The following GRM7 variants were observed in gnomAD, a reference collection of about 807,000 sequenced individuals.
GRM7 encodes metabotropic glutamate receptor 7.
Under a neutral mutation model 84.5 loss-of-function variants are expected in GRM7, and 35 were observed. The observed-to-expected ratio is 0.41, with a 90% CI of 0.32 to 0.55. GRM7 has a LOEUF of 0.55. GRM7 is among the 20% of genes least tolerant of loss of function. The pLI is 0.19. For synonymous variants in GRM7, 487 were observed against 455.1 expected (o/e 1.07, Z -0.89); for missense variants, 1,003 against 1,194.6 (o/e 0.84, Z 2.36).
chr3:7,435,851 C>CTTTTTTTTTTTTT (rs34860272), intron 5 of GRM7, among the ~76,000 whole-genome samples: 1 of 89,272 alleles, frequency 1.1e-5, no homozygotes, highest in African/African-American at 4.4e-5. Context: ...CCACACCCAT[C>CTTTTTTTTTTTTT]TTTTTTTTTT....
intron 8 of GRM7, chr3:7,636,395 C>A (rs751509416): frequency 7.1e-6 from 3 of 424,756 alleles, no homozygotes; most frequent in Non-Finnish European, 1.4e-5. Flanking sequence ...TGGACACACA[C>A]TGTCATTGTT....
chr3:7,596,991 T>A (rs1696076916), intron 8 of GRM7, among the ~76,000 whole-genome samples: 1 of 152,186 alleles, frequency 6.6e-6, no homozygotes, highest in African/African-American at 2.4e-5. Context: ...GCTCGTTGTT[T>A]GTTTGCTTGT....
At chr3:6,884,283 A>C (rs563102840) in intron 1 of GRM7, 1 of 152,752 alleles carries the variant, frequency 6.5e-6, no homozygotes, top group African/African-American at 2.4e-5. Flanking sequence ...AACTGTCCAA[A>C]AATGGAAGAA....
chr3:7,675,589 G>C (rs1229567683), intron 8 of GRM7, among the ~76,000 whole-genome samples: 3 of 152,330 alleles, frequency 2.0e-5, no homozygotes, highest in African/African-American at 7.2e-5. Flanking sequence ...CATGGAGCAT[G>C]TTCAACTGAG....
chr3:7,311,359 T>G (rs1419610916), intron 4 of GRM7, among the ~76,000 whole-genome samples: 1 of 151,628 alleles, frequency 6.6e-6, no homozygotes, highest in Non-Finnish European at 1.5e-5. Flanking sequence ...ACTGGACTCA[T>G]AGGTGAAATC....
At chr3:7,219,496 A>G (rs1287859027) in intron 2 of GRM7, among the ~76,000 whole-genome samples, 1 of 152,240 alleles carries the variant, frequency 6.6e-6, no homozygotes, top group Non-Finnish European at 1.5e-5. Flanking sequence ...TTTGTTTAAA[A>G]GACATTGCCT....
intron 1 of GRM7, among the ~76,000 whole-genome samples, chr3:7,104,145 C>G (rs1373506059): frequency 6.6e-6 from 1 of 151,496 alleles, no homozygotes; most frequent in Non-Finnish European, 1.5e-5. Flanking sequence ...GAAAATTTCT[C>G]TCTCTCTCTT....
chr3:7,681,332 C>T (rs902790877), intron 9 of GRM7: 1 of 152,138 alleles, frequency 6.6e-6, no homozygotes, highest in Non-Finnish European at 1.5e-5. Flanking sequence ...AGAAGGAAGT[C>T]TCAATTTTAA....
At chr3:6,940,666 TCAATC>T (rs71670091) in intron 1 of GRM7, among the ~76,000 whole-genome samples, 13,591 of 152,236 alleles carry the variant, frequency 0.089, 677 homozygotes, top group South Asian at 0.16. Flanking sequence ...CAAATTAAAT[TCAATC>T]CAAGTTTGTT....
intron 2 of GRM7, among the ~76,000 whole-genome samples, chr3:7,176,002 C>T (rs967009239): frequency 6.6e-6 from 1 of 151,974 alleles, no homozygotes; most frequent in Admixed American, 6.6e-5. Context: ...CTCATACCAC[C>T]TGCATCGTTA....
chr3:6,939,485 G>A (rs1697813745), intron 1 of GRM7, among the ~76,000 whole-genome samples: 1 of 151,886 alleles, frequency 6.6e-6, no homozygotes, highest in South Asian at 2.1e-4. Flanking sequence ...CAGAGGAATA[G>A]TTGAATGCCA....
intron 2 of GRM7, among the ~76,000 whole-genome samples, chr3:7,227,684 A>C (rs1697026971): frequency 6.6e-6 from 1 of 152,232 alleles, no homozygotes; most frequent in South Asian, 2.1e-4. Context: ...TCTTTTCAAA[A>C]AAATTTACAG....
chr3:7,691,317 A>C (rs1700792854), intron 9 of GRM7: 4 of 1,221,594 alleles, frequency 3.3e-6, no homozygotes, highest in Non-Finnish European at 4.3e-6. Flanking sequence ...TGGATCAGCA[A>C]CTCCATTTTC....
intron 2 of GRM7, among the ~76,000 whole-genome samples, chr3:7,147,995 A>G (rs139092704): frequency 5.8e-4 from 88 of 152,290 alleles, no homozygotes; most frequent in African/African-American, 2.0e-3. Context: ...CTTCATGACT[A>G]TAGGAGACCA....
chr3:7,301,297 A>G (rs961856196), intron 3 of GRM7, among the ~76,000 whole-genome samples: 1 of 152,182 alleles, frequency 6.6e-6, no homozygotes, highest in Non-Finnish European at 1.5e-5. Flanking sequence ...CTCTCCTTAC[A>G]AAATTATCTT....
intron 9 of GRM7, among the ~76,000 whole-genome samples, chr3:7,728,887 G>A (rs1288803494): frequency 6.6e-6 from 1 of 152,190 alleles, no homozygotes; most frequent in African/African-American, 2.4e-5. Flanking sequence ...CTGTAGTACT[G>A]ACTTGGAATT....
At chr3:7,321,472 A>G (rs1013716450) in intron 4 of GRM7, among the ~76,000 whole-genome samples, 17 of 152,062 alleles carry the variant, frequency 1.1e-4, no homozygotes, top group African/African-American at 3.4e-4. Flanking sequence ...GGAAATAGGT[A>G]GTTTTTTAGC....
At chr3:7,340,909 G>A (rs1161435563) in intron 4 of GRM7, among the ~76,000 whole-genome samples, 1 of 152,102 alleles carries the variant, frequency 6.6e-6, no homozygotes. Flanking sequence ...GTCTAGAACT[G>A]GTAGTGAGGG....
At chr3:7,076,434 G>A (rs1036131263) in intron 1 of GRM7, among the ~76,000 whole-genome samples, 1 of 152,046 alleles carries the variant, frequency 6.6e-6, no homozygotes, top group Non-Finnish European at 1.5e-5. Context: ...GATTTAATGT[G>A]TTTATAAGTG....
Sources: gnomAD v4.1 joint callset for allele counts (sites outside exome capture counted in the v4.1 genomes callset) on GRCh38, gnomAD v4.1.1 for gene constraint, MANE v1.5 for transcripts, NCBI Gene and HGNC (gene_info 2026-07-23, HGNC 2026-07-21) for gene names.